JARID2: variants seen among roughly 807,000 people sequenced by gnomAD.
JARID2 encodes jumonji and AT-rich interaction domain containing 2.
JARID2 carries 21 observed loss-of-function variants against 125.6 expected under a neutral mutation model. That is an observed-to-expected ratio of 0.17 (90% CI 0.12 to 0.24). The LOEUF (loss-of-function observed/expected upper bound fraction) is 0.24. Ranked by LOEUF, JARID2 falls within the 10% of genes least tolerant of loss-of-function variation. The probability of loss-of-function intolerance (pLI) is 1.00; values close to 1 mark genes in which losing one functional copy is unlikely to be tolerated. For synonymous variants in JARID2, 736 were observed against 661.6 expected (o/e 1.11, Z -1.73); for missense variants, 1,303 against 1,639.6 (o/e 0.79, Z 3.55).
chr6:15,281,294 T>C (rs1343975555), intron 1 of JARID2, among the ~76,000 whole-genome samples: 1 of 152,248 alleles, frequency 6.6e-6, no homozygotes, highest in Non-Finnish European at 1.5e-5. Flanking sequence ...ACACTGGCTG[T>C]GTCTCACTCT....
intron 1 of JARID2, among the ~76,000 whole-genome samples, chr6:15,297,125 A>G (rs1290993544): frequency 6.6e-6 from 1 of 152,140 alleles, no homozygotes; most frequent in Non-Finnish European, 1.5e-5. Flanking sequence ...TCATTCATTG[A>G]CTGCTTATCT....
At chr6:15,266,087 T>A (rs1279139161) in intron 1 of JARID2, among the ~76,000 whole-genome samples, 1 of 152,148 alleles carries the variant, frequency 6.6e-6, no homozygotes, top group Non-Finnish European at 1.5e-5. Flanking sequence ...CTGATCAGCT[T>A]TCTCTCAAAG....
intron 1 of JARID2, among the ~76,000 whole-genome samples, chr6:15,262,153 CT>C (rs56888368): frequency 0.16 from 21,660 of 139,172 alleles, 2,115 homozygotes; most frequent in African/African-American, 0.3. Context: ...AATCTCATGC[CT>C]TTTTTTTTTT....
chr6:15,515,275 G>GC (rs1201204463), intron 16 of JARID2, among the ~76,000 whole-genome samples: 1 of 151,932 alleles, frequency 6.6e-6, no homozygotes, highest in African/African-American at 2.4e-5. Context: ...GCCTCCCAGA[G>GC]CCCCAGGATT....
chr6:15,270,625 T>G (rs1760260004), intron 1 of JARID2, among the ~76,000 whole-genome samples: 1 of 152,172 alleles, frequency 6.6e-6, no homozygotes, highest in African/African-American at 2.4e-5. Flanking sequence ...GGTGTTGGCA[T>G]TTCCTTTAGG....
intron 1 of JARID2, among the ~76,000 whole-genome samples, chr6:15,318,504 G>C (rs1762251106): frequency 6.6e-6 from 1 of 152,186 alleles, no homozygotes; most frequent in Admixed American, 6.5e-5. Context: ...GGTGGTGGTT[G>C]CTACCACCTG....
intron 1 of JARID2, among the ~76,000 whole-genome samples, chr6:15,266,110 T>G (rs1225472676): frequency 6.6e-6 from 1 of 152,170 alleles, no homozygotes; most frequent in African/African-American, 2.4e-5. Context: ...CTGTCACATA[T>G]GCTCTCCTGG....
At chr6:15,247,423 CTT>C (rs10712805) in intron 1 of JARID2, 18,382 of 848,362 alleles carry the variant, frequency 0.022, 15 homozygotes, top group South Asian at 0.032. Context: ...TGTGTGGTGG[CTT>C]TTTTTTTTTT....
At chr6:15,449,666 G>T (rs1767828516) in intron 3 of JARID2, among the ~76,000 whole-genome samples, 1 of 151,574 alleles carries the variant, frequency 6.6e-6, no homozygotes, top group African/African-American at 2.4e-5. Flanking sequence ...CCCAGTTTCA[G>T]TAAAAAGGTT....
chr6:15,512,448 G>A lies in JARID2; in HGVS notation c.3135+58G>A, dbSNP rs969390327. 4.1e-5 allele frequency: 62 copies of A among 1,516,418 alleles called. No homozygotes were observed. The South Asian group carries it at 5.9e-4, about 14-fold the overall frequency. The allele number at this position is 1,516,418 out of a possible 1,614,324, so 93.9% of individuals were successfully genotyped here. ...CCCCGCATCCCTGTGAGTGCCGTGCGTGAGCGCACACAGAAGCATCCCTGC... is the reference window on the plus strand; with the variant it reads ...CCCCGCATCCCTGTGAGTGCCGTGCATGAGCGCACACAGAAGCATCCCTGC... On this transcript the variant is annotated intron_variant, in intron 14 of 17. Transcript: ENST00000341776.
intron 1 of JARID2, among the ~76,000 whole-genome samples, chr6:15,356,111 T>C (rs548732610): frequency 6.6e-6 from 1 of 152,364 alleles, no homozygotes; most frequent in South Asian, 2.1e-4. Flanking sequence ...TCCCTAGCTA[T>C]GTTTTCAAGG....
At chr6:15,399,517 A>ATG (rs1403633359) in intron 2 of JARID2, among the ~76,000 whole-genome samples, 3 of 152,224 alleles carry the variant, frequency 2.0e-5, no homozygotes, top group South Asian at 2.1e-4. Flanking sequence ...GTTTATGTAC[A>ATG]TGTATATATA....
chr6:15,412,509 A>G (rs919492624), intron 3 of JARID2, among the ~76,000 whole-genome samples: 5 of 152,122 alleles, frequency 3.3e-5, no homozygotes, highest in African/African-American at 1.2e-4. Context: ...GGGTTTTGCC[A>G]TGTTGGCCAA....
At chr6:15,481,988 T>G (rs1239342422) in intron 5 of JARID2, among the ~76,000 whole-genome samples, 2 of 152,252 alleles carry the variant, frequency 1.3e-5, no homozygotes, top group Non-Finnish European at 2.9e-5. Flanking sequence ...AGTATTTTCC[T>G]GAGCAGTAGG....
chr6:15,417,793 T>C (rs919530506), intron 3 of JARID2, among the ~76,000 whole-genome samples: 1 of 152,202 alleles, frequency 6.6e-6, no homozygotes, highest in African/African-American at 2.4e-5. Context: ...CATGTATAAA[T>C]GGTACTCTGT....
At chr6:15,421,027 T>C (rs1235632946) in intron 3 of JARID2, among the ~76,000 whole-genome samples, 1 of 152,192 alleles carries the variant, frequency 6.6e-6, no homozygotes. Flanking sequence ...GCAGATTCCA[T>C]TGTTGTCTGT....
At chr6:15,497,250 T>C (rs1489190346) in intron 7 of JARID2, 80 bp downstream of exon 7, 10 of 1,103,802 alleles carry the variant, frequency 9.1e-6, no homozygotes, top group African/African-American at 1.6e-5. Flanking sequence ...AGTCTTCACG[T>C]TCTCTTCCCT....
intron 1 of JARID2, among the ~76,000 whole-genome samples, chr6:15,353,558 A>G (rs182686451): frequency 1.1e-3 from 161 of 152,338 alleles, no homozygotes; most frequent in African/African-American, 3.5e-3. Flanking sequence ...ATGCCAATTG[A>G]TCGTGGTGAA....
At chr6:15,481,995 T>C (rs745338503) in intron 5 of JARID2, among the ~76,000 whole-genome samples, 1 of 152,242 alleles carries the variant, frequency 6.6e-6, no homozygotes, top group African/African-American at 2.4e-5. Flanking sequence ...TCCTGAGCAG[T>C]AGGTTTTGTG....
Sources: gnomAD v4.1 joint callset for allele counts (sites outside exome capture counted in the v4.1 genomes callset) on GRCh38, gnomAD v4.1.1 for gene constraint, MANE v1.5 for transcripts, NCBI Gene and HGNC (gene_info 2026-07-23, HGNC 2026-07-21) for gene names.